Variants in ESR1 observed in about 807,000 individuals in gnomAD.
ESR1 encodes estrogen receptor.
In ESR1, 12 loss-of-function variants were observed where a neutral mutation model predicts 52.7. That is an observed-to-expected ratio of 0.23 (90% confidence interval 0.15 to 0.37). The LOEUF is 0.37. ESR1 is among the 10% of genes least tolerant of loss of function. The pLI, the probability that ESR1 is intolerant of heterozygous loss-of-function variation, is 1.00. For synonymous variants in ESR1, 305 were observed against 316.8 expected (o/e 0.96, Z 0.39); for missense variants, 584 against 779.7 (o/e 0.75, Z 2.99).
chr6:151,703,727 G>C (rs1269468929), intron 2 of ESR1, among the ~76,000 whole-genome samples: 1 of 152,064 alleles, frequency 6.6e-6, no homozygotes, highest in Non-Finnish European at 1.5e-5. Context: ...CAAGTCACTG[G>C]GGGTATGGAT....
chr6:152,051,402 A>G (rs1197843608), intron 5 of ESR1, among the ~76,000 whole-genome samples: 2 of 152,098 alleles, frequency 1.3e-5, no homozygotes, highest in Non-Finnish European at 2.9e-5. Context: ...AAAACAAAAA[A>G]CTGACTAGGA....
chr6:152,091,246 G>T (rs2050155096), intron 6 of ESR1, among the ~76,000 whole-genome samples: 1 of 152,222 alleles, frequency 6.6e-6, no homozygotes, highest in African/African-American at 2.4e-5. Context: ...AGCACACATG[G>T]ACCACATTTT....
intron 6 of ESR1, among the ~76,000 whole-genome samples, chr6:152,093,823 A>G (rs528786091): frequency 6.6e-5 from 10 of 152,232 alleles, no homozygotes; most frequent in Non-Finnish European, 1.3e-4. Flanking sequence ...CACTTAGCCA[A>G]TCGCTCATCA....
At chr6:151,756,938 C>T (rs771604606) in intron 2 of ESR1, among the ~76,000 whole-genome samples, 7 of 152,004 alleles carry the variant, frequency 4.6e-5, no homozygotes, top group African/African-American at 7.2e-5. Flanking sequence ...TGCAGTGAGC[C>T]GGCATTGAGC....
intron 3 of ESR1, among the ~76,000 whole-genome samples, chr6:151,884,211 C>T (rs1378850169): frequency 6.6e-6 from 1 of 152,140 alleles, no homozygotes; most frequent in Non-Finnish European, 1.5e-5. Flanking sequence ...AAGTACTTGC[C>T]ATAAATCAAT....
intron 2 of ESR1, among the ~76,000 whole-genome samples, chr6:151,876,126 T>C (rs1791773957): frequency 6.6e-6 from 1 of 152,090 alleles, no homozygotes. Context: ...TCTGTGTGCC[T>C]GTGGTGGGAG....
upstream of ESR1, among the ~76,000 whole-genome samples, chr6:151,802,978 G>A (rs1424102050): frequency 2.1e-5 from 3 of 143,894 alleles, no homozygotes; most frequent in Non-Finnish European, 3.0e-5. Flanking sequence ...GGTGACAAAA[G>A]TGAAACTCTG....
At chr6:151,995,953 A>G (rs888919897) in intron 4 of ESR1, among the ~76,000 whole-genome samples, 1 of 152,188 alleles carries the variant, frequency 6.6e-6, no homozygotes, top group Non-Finnish European at 1.5e-5. Context: ...TAGCTTTCTC[A>G]TGGTGTCTCC....
intron 3 of ESR1, among the ~76,000 whole-genome samples, chr6:151,898,443 G>T (rs548180244): frequency 3.4e-4 from 47 of 140,098 alleles, no homozygotes; most frequent in African/African-American, 1.2e-3. Flanking sequence ...GGTGTTTCTC[G>T]CAGAGGGGGA....
intron 2 of ESR1, among the ~76,000 whole-genome samples, chr6:151,859,661 C>T (rs894444487): frequency 2.6e-5 from 4 of 152,178 alleles, no homozygotes; most frequent in African/African-American, 9.7e-5. Context: ...CAACAGCTGC[C>T]AGGGTTGACT....
chr6:151,984,588 G>C (rs1317935551), intron 4 of ESR1, among the ~76,000 whole-genome samples: 1 of 152,114 alleles, frequency 6.6e-6, no homozygotes, highest in Non-Finnish European at 1.5e-5. Context: ...ACTACCTGCA[G>C]TCCACCCTGG....
At chr6:151,723,067 T>C (rs542213467) in intron 2 of ESR1, among the ~76,000 whole-genome samples, 13 of 152,280 alleles carry the variant, frequency 8.5e-5, no homozygotes, top group African/African-American at 2.4e-4. Flanking sequence ...TACTATAAAA[T>C]ATAACCAGAA....
At chr6:151,859,100 T>G (rs1788415970) in intron 2 of ESR1, among the ~76,000 whole-genome samples, 2 of 152,226 alleles carry the variant, frequency 1.3e-5, no homozygotes, top group South Asian at 4.1e-4. Flanking sequence ...CAGGACTTCA[T>G]GTTCAATAAC....
intron 1 of ESR1, among the ~76,000 whole-genome samples, chr6:151,661,223 C>T (rs1031562094): frequency 2.6e-5 from 4 of 152,154 alleles, no homozygotes; most frequent in Non-Finnish European, 5.9e-5. Context: ...TGTTGGATTT[C>T]CTTAACAAAG....
chr6:151,995,047 T>C (rs943395666), intron 4 of ESR1, among the ~76,000 whole-genome samples: 1 of 152,064 alleles, frequency 6.6e-6, no homozygotes, highest in African/African-American at 2.4e-5. Flanking sequence ...TGGGGTCTTT[T>C]TAGGGAAGAT....
chr6:152,110,235 T>C lies in ESR1; in HGVS notation c.851-15031T>C, dbSNP rs528952316. Among the ~76,000 whole-genome samples, 199 of 152,208 alleles carry C rather than the reference T, an allele frequency of 1.3e-3. No individual in the cohort carries two copies. In the Middle Eastern group the frequency reaches 0.02, roughly 16 times the overall value. ...ATTACTGAGAGTTGCTGAGTACATA[T>C]GGAATTTTACTCAAGGACTAGAGTG... On this transcript the variant is annotated intron_variant, in intron 6 of 6. Transcript: ENST00000427531.
chr6:151,911,340 A>G (rs1338915230), intron 3 of ESR1, among the ~76,000 whole-genome samples: 1 of 152,196 alleles, frequency 6.6e-6, no homozygotes, highest in Non-Finnish European at 1.5e-5. Context: ...AGTCTCAGAT[A>G]TTTTGATAAC....
chr6:151,850,062 TTA>T (rs1491305506), intron 2 of ESR1, among the ~76,000 whole-genome samples: 56 of 100,618 alleles, frequency 5.6e-4, no homozygotes, highest in Non-Finnish European at 8.3e-4. Context: ...ATATATAATT[TTA>T]TATATATATA....
chr6:152,113,327 C>T (rs919330323), intron 6 of ESR1, among the ~76,000 whole-genome samples: 103 of 152,208 alleles, frequency 6.8e-4, no homozygotes, highest in African/African-American at 2.4e-3. Context: ...GCCACAGGTA[C>T]CCTCCTGATG....
Sources: gnomAD v4.1 joint callset for allele counts (sites outside exome capture counted in the v4.1 genomes callset) on GRCh38, gnomAD v4.1.1 for gene constraint, MANE v1.5 for transcripts, NCBI Gene and HGNC (gene_info 2026-07-23, HGNC 2026-07-21) for gene names.